The following GNAQ variants were observed in gnomAD, a reference collection of about 807,000 sequenced individuals.
GNAQ encodes the protein G protein subunit alpha q.
GNAQ carries 8 observed loss-of-function variants against 43.9 expected under a neutral mutation model. That is an observed-to-expected ratio of 0.18 (90% CI 0.11 to 0.33). The LOEUF (loss-of-function observed/expected upper bound fraction) is 0.33, where lower values mean the gene tolerates loss of function less well. Ranked by LOEUF, GNAQ falls within the 10% of genes least tolerant of loss-of-function variation. The pLI is 1.00. For synonymous variants in GNAQ, 155 were observed against 170.7 expected, an observed-to-expected ratio of 0.91 and a Z score of 0.71; for missense variants, 158 against 450.8, an observed-to-expected ratio of 0.35 and a Z score of 5.88.
At chr9:77,995,661 T>C (rs965413613) in intron 1 of GNAQ, among the ~76,000 whole-genome samples, 1 of 151,996 alleles carries the variant, frequency 6.6e-6, no homozygotes, top group Non-Finnish European at 1.5e-5. Flanking sequence ...TTTAAACTTT[T>C]TGTAGAAATG....
chr9:77,941,417 T>C (rs2118343513), intron 1 of GNAQ, among the ~76,000 whole-genome samples: 1 of 149,100 alleles, frequency 6.7e-6, no homozygotes, highest in East Asian at 2.0e-4. Flanking sequence ...ACCTGGCTAA[T>C]TTTTTGTATT....
chr9:77,994,382 T>G (rs1823543744), intron 1 of GNAQ, among the ~76,000 whole-genome samples: 1 of 152,216 alleles, frequency 6.6e-6, no homozygotes. Context: ...AGTTATTTTT[T>G]GATACCAGGA....
chr9:77,939,115 C>T lies in GNAQ; in HGVS notation c.137-16770G>A, dbSNP rs902682661. On this transcript the variant is annotated intron_variant, in intron 1 of 6. Coordinates refer to ENST00000286548, the MANE Select transcript of GNAQ (RefSeq NM_002072.5). Reference sequence around the variant, plus strand: ...TTTATCCCACCTTCCAGTGTCACTTCTTTCCCACTGTTCTCCTATATCAGG... The same window carrying T: ...TTTATCCCACCTTCCAGTGTCACTTTTTTCCCACTGTTCTCCTATATCAGG... 4.5e-4 allele frequency among the ~76,000 whole-genome samples: 69 copies of T among 152,224 alleles called. 1 individual carries two copies. The highest frequency in any genetic ancestry group is 4.1e-4 in the South Asian group (2 of 4,834).
At chr9:77,770,292 C>G (rs1159220365) in intron 5 of GNAQ, among the ~76,000 whole-genome samples, 4 of 152,108 alleles carry the variant, frequency 2.6e-5, no homozygotes, top group African/African-American at 9.7e-5. Flanking sequence ...TGATAATCAA[C>G]AGAAATTGTA....
chr9:77,898,288 G>A (rs1207094996), intron 2 of GNAQ, among the ~76,000 whole-genome samples: 2 of 152,194 alleles, frequency 1.3e-5, no homozygotes, highest in African/African-American at 4.8e-5. Flanking sequence ...TTGGGTGACA[G>A]TGACTGGGCT....
chr9:77,727,703 A>C (rs1014080229), intron 6 of GNAQ, among the ~76,000 whole-genome samples: 1 of 152,226 alleles, frequency 6.6e-6, no homozygotes, highest in Non-Finnish European at 1.5e-5. Flanking sequence ...GTTATATACT[A>C]CAGTGCACAA....
At chr9:77,798,827 G>A (rs1308676852) in intron 3 of GNAQ, among the ~76,000 whole-genome samples, 1 of 152,156 alleles carries the variant, frequency 6.6e-6, no homozygotes, top group Non-Finnish European at 1.5e-5. Flanking sequence ...TCCATAAGTT[G>A]TTGAGTTCAC....
intron 1 of GNAQ, among the ~76,000 whole-genome samples, chr9:77,990,307 G>T (rs1473391699): frequency 6.6e-6 from 1 of 152,108 alleles, no homozygotes; most frequent in Admixed American, 6.6e-5. Flanking sequence ...TAGCAACCTT[G>T]AACTCCTGGG....
At chr9:78,018,807 A>G (rs1564179993) in intron 1 of GNAQ, among the ~76,000 whole-genome samples, 1 of 152,248 alleles carries the variant, frequency 6.6e-6, no homozygotes, top group Non-Finnish European at 1.5e-5. Context: ...AGGATACATT[A>G]TAGTATAAAA....
intron 3 of GNAQ, among the ~76,000 whole-genome samples, chr9:77,805,621 G>A (rs1005308770): frequency 6.6e-6 from 1 of 151,972 alleles, no homozygotes; most frequent in African/African-American, 2.4e-5. Flanking sequence ...GGTCAGGCTG[G>A]TCTCGAACTC....
At chr9:78,003,875 C>G (rs1161831263) in intron 1 of GNAQ, among the ~76,000 whole-genome samples, 5 of 149,764 alleles carry the variant, frequency 3.3e-5, no homozygotes, top group East Asian at 2.0e-4. Context: ...GCACTTGTAA[C>G]ACTTTGCCAA....
chr9:78,027,288 A>G (rs913718190), intron 1 of GNAQ, among the ~76,000 whole-genome samples: 10 of 152,156 alleles, frequency 6.6e-5, no homozygotes, highest in Admixed American at 2.6e-4. Flanking sequence ...CTATGTTTCT[A>G]TACATTTATT....
chr9:77,894,864 A>C (rs1828474172), intron 2 of GNAQ, among the ~76,000 whole-genome samples: 1 of 152,052 alleles, frequency 6.6e-6, no homozygotes, highest in East Asian at 1.9e-4. Flanking sequence ...ACCTCAATAT[A>C]ATATTTTCTC....
intron 5 of GNAQ, among the ~76,000 whole-genome samples, chr9:77,786,355 C>CA (rs1226459627): frequency 0.059 from 3,555 of 60,368 alleles, 104 homozygotes; most frequent in African/African-American, 0.13. Flanking sequence ...GACTCTGTCT[C>CA]AAAAAAAAAA....
In GNAQ at chr9:77,922,067, C is replaced by T. The variant is rs1829004908; in HGVS notation, c.321+94G>A. ...ATGTATATTTCCAAACCCCCCTATG[C>T]ACTCCAGACATGTCAAGAGGCTACT... On this transcript the variant is annotated intron_variant, in intron 2 of 6. Coordinates refer to ENST00000286548, the MANE Select transcript of GNAQ (RefSeq NM_002072.5). The T allele has an allele frequency of 4.2e-6, 3 of 712,112 alleles. No individual in the cohort carries two copies. The South Asian group carries it at 6.1e-5, about 15-fold the overall frequency. 44.1% of individuals were successfully genotyped at this position (712,112 alleles called of 1,614,324 possible).
rs767210035 is a variant in GNAQ at position 77,894,560 on chromosome 9, C to G, written c.321+27601G>C. 1.1e-3 allele frequency among the ~76,000 whole-genome samples: 161 copies of G among 150,306 alleles called. 1 individual carries two copies. The highest frequency in any genetic ancestry group is 6.8e-4 in the Non-Finnish European group (46 of 67,760). Reference sequence around the variant, plus strand: ...GCCTCAGCCTCCCGAGTAGCTGGGACTACAGGTGCACGTCACCATGCCCAG... The same window carrying G: ...GCCTCAGCCTCCCGAGTAGCTGGGAGTACAGGTGCACGTCACCATGCCCAG... On this transcript the variant is annotated intron_variant, in intron 2 of 6. Transcript: ENST00000286548.
chr9:77,930,324 G>A (rs934267467), intron 1 of GNAQ, among the ~76,000 whole-genome samples: 1 of 152,128 alleles, frequency 6.6e-6, no homozygotes, highest in African/African-American at 2.4e-5. Flanking sequence ...TTTCTTCTAT[G>A]AACTTGCCCT....
intron 2 of GNAQ, among the ~76,000 whole-genome samples, chr9:77,911,334 T>C (rs2118215492): frequency 6.6e-6 from 1 of 152,276 alleles, no homozygotes; most frequent in Admixed American, 6.5e-5. Flanking sequence ...TGTCCAAAGG[T>C]CATTGCTGGC....
At chr9:77,746,555 A>G (rs1042510594) in intron 5 of GNAQ, among the ~76,000 whole-genome samples, 1 of 152,222 alleles carries the variant, frequency 6.6e-6, no homozygotes, top group Non-Finnish European at 1.5e-5. Context: ...ATACACACAC[A>G]AAGAAACAAA....
Sources: allele counts gnomAD v4.1 joint callset (sites outside exome capture counted in the v4.1 genomes callset), GRCh38; gene constraint gnomAD v4.1.1; transcripts MANE v1.5; gene names NCBI Gene and HGNC (gene_info 2026-07-23, HGNC 2026-07-21).